Variants in TPCN1 observed in about 807,000 individuals in gnomAD.
TPCN1 encodes two pore channel protein 1.
A neutral mutation model predicts 108.8 loss-of-function variants in TPCN1; 52 were observed. The observed-to-expected ratio is 0.48, with a 90% CI of 0.38 to 0.60. The LOEUF is 0.60. Ranked by LOEUF, TPCN1 falls within the 20% of genes least tolerant of loss-of-function variation. TPCN1 has a pLI of 0.00. For synonymous variants in TPCN1, 446 were observed against 433.7 expected (o/e 1.03, Z -0.35); for missense variants, 806 against 1,072.8 (o/e 0.75, Z 3.47).
chr12:113,239,809 A>G (rs1954035135), intron 2 of TPCN1, among the ~76,000 whole-genome samples: 1 of 152,230 alleles, frequency 6.6e-6, no homozygotes, highest in South Asian at 2.1e-4. Context: ...TACCATTTGT[A>G]GACTGCCTGT....
In TPCN1 at chr12:113,284,512, C is replaced by A; in HGVS notation, c.1343-69C>A. On this transcript the variant is annotated intron_variant, in intron 15 of 27. Transcript: ENST00000335509. This position sits in a 1 kb window ranked among gnomAD's most constrained non-coding sequence, Gnocchi z 4.1. The stretch of plus-strand genomic sequence containing the variant: ...GCTCCAGGAAGTTAACCAGGGACTT[C>A]AGCTGCGACCTGCAGATTTCTAAGC... The A allele has an allele frequency of 6.3e-7, 1 of 1,579,454 alleles. No individual in the cohort carries two copies.
At chr12:113,250,283 C>T (rs765912898) in intron 2 of TPCN1, among the ~76,000 whole-genome samples, 3 of 152,228 alleles carry the variant, frequency 2.0e-5, no homozygotes, top group Non-Finnish European at 4.4e-5. Context: ...GGCAGCTCTG[C>T]AGTTTGGAGC....
chr12:113,293,203 A>G (rs1956323994), intron 26 of TPCN1, 66 bp from the exon 27 acceptor site: 2 of 1,604,734 alleles, frequency 1.2e-6, no homozygotes, highest in Admixed American at 1.7e-5. Context: ...GGAGACGCCA[A>G]CTGTGGCACC....
At chr12:113,275,398 C>G (rs1955637846) in intron 10 of TPCN1, among the ~76,000 whole-genome samples, 1 of 151,590 alleles carries the variant, frequency 6.6e-6, no homozygotes, top group Non-Finnish European at 1.5e-5. Context: ...CACATGCCGC[C>G]ACACCCGACT....
At position 113,296,261 on chromosome 12, in the gene TPCN1, A is replaced by C; in HGVS notation, c.*185A>C. The C allele has an allele frequency of 2.1e-6, 2 of 967,382 alleles. No individual in the cohort carries two copies. Among genetic ancestry groups the C allele is most frequent in the Non-Finnish European group, 2.9e-6 (2 of 686,102 alleles). The allele number at this position is 967,382 out of a possible 1,614,324, so 59.9% of individuals were successfully genotyped here. The stretch of plus-strand genomic sequence containing the variant: ...CTTGCCCTGTCTTCCTTAACTCCAG[A>C]AGCCAGTTTGGTGAGGGGTGGGGGT... On this transcript the variant is annotated 3_prime_UTR_variant, in exon 28 of 28. Transcript: ENST00000335509.
chr12:113,296,198 A>G lies in TPCN1; in HGVS notation c.*122A>G, dbSNP rs1418303507. On this transcript the variant is annotated 3_prime_UTR_variant, in exon 28 of 28. Transcript: ENST00000335509. ...TATGCACATATTTATATACAGGAAGAAAAAAGACAGACAAGATGGGGCTTG... is the reference window on the plus strand; with the variant it reads ...TATGCACATATTTATATACAGGAAGGAAAAAGACAGACAAGATGGGGCTTG... The G allele has an allele frequency of 1.1e-5, 16 of 1,411,022 alleles. No homozygotes were observed. The highest frequency in any genetic ancestry group is 1.5e-5 in the Non-Finnish European group (16 of 1,056,796). The allele number at this position is 1,411,022 out of a possible 1,614,324, so 87.4% of individuals were successfully genotyped here. A position where few individuals can be genotyped will look rare whatever the true frequency, so the allele number is the denominator to read the frequency against.
chr12:113,255,427 C>G (rs1954796401), intron 2 of TPCN1, among the ~76,000 whole-genome samples: 1 of 151,938 alleles, frequency 6.6e-6, no homozygotes, highest in African/African-American at 2.4e-5. Flanking sequence ...ATACCATATT[C>G]ATGGGTTTTT....
intron 3 of TPCN1, among the ~76,000 whole-genome samples, chr12:113,264,286 G>A (rs187642463): frequency 3.9e-5 from 6 of 152,274 alleles, no homozygotes; most frequent in Non-Finnish European, 4.4e-5. Context: ...GGTTTGTCTC[G>A]ATTTTTTGCT....
chr12:113,273,528 C>A lies in TPCN1; in HGVS notation c.843-41C>A. ...GGCATGTGCTCTGAGAGGATGGAGA[C>A]AGGCAGATACAGCACGCCGGGTCAC... On this transcript the variant is annotated intron_variant, in intron 9 of 27. Transcript: ENST00000335509. This position sits in a 1 kb window ranked among gnomAD's most constrained non-coding sequence, Gnocchi z 4.0. 1 of 1,500,006 alleles carries A rather than the reference C, an allele frequency of 6.7e-7. No homozygotes were observed. The highest frequency in any genetic ancestry group is 9.3e-7 in the Non-Finnish European group (1 of 1,076,378). The allele number at this position is 1,500,006 out of a possible 1,614,324, so 92.9% of individuals were successfully genotyped here.
chr12:113,232,499 C>A lies in TPCN1; in HGVS notation c.112+5535C>A, dbSNP rs1953726887. ...ACACCCCGAGGTGTGCGCTCCATCACTGATGTCTGTGCCGTGGCTCTGCCT... is the reference window on the plus strand; with the variant it reads ...ACACCCCGAGGTGTGCGCTCCATCAATGATGTCTGTGCCGTGGCTCTGCCT... On this transcript the variant is annotated intron_variant, in intron 2 of 27. Coordinates refer to ENST00000335509, the MANE Select transcript of TPCN1 (RefSeq NM_017901.6). This position sits in a 1 kb window ranked among gnomAD's most constrained non-coding sequence, Gnocchi z 5.6. Among the ~76,000 whole-genome samples the A allele has an allele frequency of 6.6e-6, 1 of 152,268 alleles. No homozygotes were observed. The highest frequency in any genetic ancestry group is 2.4e-5 in the African/African-American group (1 of 41,482).
chr12:113,268,046 C>T lies in TPCN1; in HGVS notation c.528+90C>T. 1 of 935,782 alleles carries T rather than the reference C, an allele frequency of 1.1e-6. No homozygotes were observed. The highest frequency in any genetic ancestry group is 1.7e-6 in the Non-Finnish European group (1 of 593,922). The allele number at this position is 935,782 out of a possible 1,614,324, so 58.0% of individuals were successfully genotyped here. A position where few individuals can be genotyped will look rare whatever the true frequency, so the allele number is the denominator to read the frequency against. On this transcript the variant is annotated intron_variant, in intron 5 of 27. Transcript: ENST00000335509. The surrounding 1 kb of genome is among the most constrained non-coding windows in gnomAD (Gnocchi z 7.3). ...TCTCTTTGGTACAATTCAGAATCCA[C>T]CATGGGCCCAGTCCATGCTCAGAGG...
intron 2 of TPCN1, chr12:113,244,724 C>T (rs1566148719): frequency 1.8e-5 from 18 of 985,266 alleles, no homozygotes; most frequent in South Asian, 4.7e-5. Context: ...CGCTGGTTTC[C>T]GGAGGGCTCC....
intron 17 of TPCN1, among the ~76,000 whole-genome samples, chr12:113,285,130 C>T (rs1041601294): frequency 1.4e-4 from 22 of 152,360 alleles, no homozygotes; most frequent in Admixed American, 1.1e-3. Context: ...GTGTCTTCCT[C>T]TAACCTCTGC....
At chr12:113,234,906 A>G (rs1015174290) in intron 2 of TPCN1, among the ~76,000 whole-genome samples, 9 of 152,206 alleles carry the variant, frequency 5.9e-5, no homozygotes, top group African/African-American at 2.2e-4. Context: ...ACCAATTCAT[A>G]TATGTCTTCA....
At chr12:113,256,084 A>G (rs1288355279) in intron 2 of TPCN1, among the ~76,000 whole-genome samples, 1 of 151,998 alleles carries the variant, frequency 6.6e-6, no homozygotes, top group African/African-American at 2.4e-5. Flanking sequence ...CAGCCTCCCA[A>G]AGTGCTGGGA....
At chr12:113,234,242 C>T (rs898587307) in intron 2 of TPCN1, among the ~76,000 whole-genome samples, 7 of 152,324 alleles carry the variant, frequency 4.6e-5, no homozygotes, top group African/African-American at 7.2e-5. Flanking sequence ...CCATGCACGC[C>T]TTTTCCTGAT....
At chr12:113,293,883 GCTGGAGTGCAGCAGCA>G (rs1236462945) in intron 27 of TPCN1, among the ~76,000 whole-genome samples, 1 of 152,176 alleles carries the variant, frequency 6.6e-6, no homozygotes, top group Non-Finnish European at 1.5e-5. Flanking sequence ...TGTCTCCCAG[GCTGGAGTGCAGCAGCA>G]CGATCTAGGC....
rs1213682626 is a variant in TPCN1 at position 113,289,819 on chromosome 12, T to C, written c.1797-309T>C. 1.3e-5 allele frequency among the ~76,000 whole-genome samples: 2 copies of C among 152,116 alleles called. No homozygotes were observed. The highest frequency in any genetic ancestry group is 2.9e-5 in the Non-Finnish European group (2 of 68,008). ...ATGGGGCAGGTGCAGAGGAGGCCCT[T>C]GCCTCTCCTCCCTCCCCTGCAAGCA... On this transcript the variant is annotated intron_variant, in intron 21 of 27. Coordinates refer to ENST00000335509, the MANE Select transcript of TPCN1 (RefSeq NM_017901.6). This position sits in a 1 kb window ranked among gnomAD's most constrained non-coding sequence, Gnocchi z 4.1.
chr12:113,244,136 T>G, intron 2 of TPCN1: 1 of 218,856 alleles, frequency 4.6e-6, no homozygotes, highest in Non-Finnish European at 7.8e-6. Flanking sequence ...CTTAGGTCCC[T>G]TTCAGGTGGC....
Sources: gnomAD v4.1 joint callset for allele counts (sites outside exome capture counted in the v4.1 genomes callset) on GRCh38, gnomAD v4.1.1 for gene constraint, Gnocchi (gnomAD v3.1) non-coding constraint, MANE v1.5 for transcripts, NCBI Gene and HGNC (gene_info 2026-07-23, HGNC 2026-07-21) for gene names.